PHF14: variants seen among roughly 807,000 people sequenced by gnomAD.
PHF14 encodes PHD finger protein 14.
In PHF14, 55 loss-of-function variants were observed where a neutral mutation model predicts 117.9. The observed-to-expected ratio is 0.47, with a 90% CI of 0.38 to 0.58. PHF14 has a LOEUF of 0.58. PHF14 is among the 20% of genes least tolerant of loss of function. The pLI is 0.00. For missense variants in PHF14, 978 were observed against 1,122.2 expected (o/e 0.87, Z 1.84); for synonymous variants, 409 against 368.6 (o/e 1.11, Z -1.26).
chr7:11,037,780 C>T (rs1055130356), intron 10 of PHF14, among the ~76,000 whole-genome samples: 9 of 152,068 alleles, frequency 5.9e-5, no homozygotes, highest in African/African-American at 1.2e-4. Context: ...GTAGGAAGTA[C>T]GTTTCCAATA....
intron 4 of PHF14, among the ~76,000 whole-genome samples, chr7:10,996,408 T>G (rs1424686133): frequency 6.6e-6 from 1 of 152,110 alleles, no homozygotes; most frequent in Non-Finnish European, 1.5e-5. Context: ...GTCATCCTAG[T>G]ACTTTAGAGG....
intron 3 of PHF14, among the ~76,000 whole-genome samples, 178 bp downstream of exon 3, chr7:10,983,337 C>G (rs1300770093): frequency 2.0e-5 from 3 of 152,138 alleles, no homozygotes; most frequent in Non-Finnish European, 4.4e-5. Context: ...TATTAAATAT[C>G]TACTATTTGT....
intron 5 of PHF14, among the ~76,000 whole-genome samples, chr7:11,017,999 C>T (rs2128317365): frequency 6.6e-6 from 1 of 152,244 alleles, no homozygotes; most frequent in Non-Finnish European, 1.5e-5. Flanking sequence ...GTTTTTCCAG[C>T]ACCATTTGTT....
intron 4 of PHF14, among the ~76,000 whole-genome samples, chr7:11,013,393 C>T (rs1420859667): frequency 6.6e-6 from 1 of 152,112 alleles, no homozygotes; most frequent in Non-Finnish European, 1.5e-5. Flanking sequence ...AACTCCTCAC[C>T]TCAGGTGATC....
Position 11,038,831 on chromosome 7 carries a change from T to C in PHF14, c.2052T>C (p.Ala684=). The C allele has an allele frequency of 6.4e-7, 1 of 1,574,222 alleles. No homozygotes were observed. The change falls in exon 11 of 18, where the codon GCT becomes GCC. Residue 684 remains alanine (A), a synonymous_variant. Coordinates refer to ENST00000634607, the MANE Select transcript of PHF14 (RefSeq NM_001007157.2). Reference sequence around the variant, plus strand: ...GAAGTGAAGGACAAGGAATATGGGCTTTACTAGGCAGAATCACAGGGCAGG... The same window carrying C: ...GAAGTGAAGGACAAGGAATATGGGCCTTACTAGGCAGAATCACAGGGCAGG... ...KLRSEGQGIW[A]LLGRITGQKL...
At chr7:11,063,319 C>T (rs1190131456) in intron 16 of PHF14, 3 of 983,826 alleles carry the variant, frequency 3.0e-6, no homozygotes, top group Non-Finnish European at 3.6e-6. Context: ...TCAGGAGATA[C>T]ACCTGAATAA....
chr7:11,169,432 C>G lies in PHF14; in HGVS notation c.2789C>G (p.Ala930Gly), dbSNP rs770050227. ...SSSSKEDENE[A>G]ERKNISQELN... Reference sequence around the variant, plus strand: ...ATTTCACAGGAAGATGAAAATGAAGCTGAAAGAAAAAATATATCTCAGGAG... The same window carrying G: ...ATTTCACAGGAAGATGAAAATGAAGGTGAAAGAAAAAATATATCTCAGGAG... Residue 930 changes from alanine (A) to glycine (G), a missense_variant, in exon 18 of 18, where the codon GCT becomes GGT. Physicochemically the swap from Ala to Gly is moderately conservative, Grantham distance 60. This residue lies in a region of PHF14 where 180 missense variants were observed against 195.4 expected (regional missense o/e 0.92). Transcript: ENST00000634607. 1.4e-6 allele frequency: 2 copies of G among 1,471,496 alleles called. No individual in the cohort carries two copies. Among genetic ancestry groups the G allele is most frequent in the Non-Finnish European group, 9.3e-7 (1 of 1,079,342 alleles). The allele number at this position is 1,471,496 out of a possible 1,614,324, so 91.2% of individuals were successfully genotyped here. A position where few individuals can be genotyped will look rare whatever the true frequency, so the allele number is the denominator to read the frequency against.
intron 17 of PHF14, among the ~76,000 whole-genome samples, chr7:11,141,140 T>G (rs1583496956): frequency 6.6e-6 from 1 of 152,100 alleles, no homozygotes; most frequent in Non-Finnish European, 1.5e-5. Flanking sequence ...CAAGGTTGTT[T>G]TAGGAAAATA....
intron 16 of PHF14, chr7:11,104,454 A>G: frequency 4.1e-6 from 4 of 971,188 alleles, no homozygotes; most frequent in Non-Finnish European, 4.9e-6. Flanking sequence ...CGGTCCAACT[A>G]CTATAAGGAG....
At chr7:11,158,444 A>T (rs1164576900) in intron 17 of PHF14, among the ~76,000 whole-genome samples, 1 of 152,162 alleles carries the variant, frequency 6.6e-6, no homozygotes, top group African/African-American at 2.4e-5. Flanking sequence ...GTCAGTATAC[A>T]TACTATACAT....
chr7:11,038,838 G>A lies in PHF14; in HGVS notation c.2059G>A (p.Gly687Ser). 1.3e-6 allele frequency: 2 copies of A among 1,557,898 alleles called. No individual in the cohort carries two copies. Among genetic ancestry groups the A allele is most frequent in the Admixed American group, 1.8e-5 (1 of 56,892 alleles). The change falls in exon 11 of 18, where the codon GGC becomes AGC. Residue 687 changes from glycine (G) to serine (S), a missense_variant. Transcript: ENST00000634607. Reference protein sequence around the residue: ...SEGQGIWALLGRITGQKLNIP... With the variant: ...SEGQGIWALLSRITGQKLNIP... Reference sequence around the variant, plus strand: ...AGGACAAGGAATATGGGCTTTACTAGGCAGAATCACAGGGCAGGTTAGTTT... The same window carrying A: ...AGGACAAGGAATATGGGCTTTACTAAGCAGAATCACAGGGCAGGTTAGTTT...
chr7:11,159,439 AT>A (rs1431210475), intron 17 of PHF14, among the ~76,000 whole-genome samples: 1 of 152,122 alleles, frequency 6.6e-6, no homozygotes, highest in Non-Finnish European at 1.5e-5. Context: ...TGTCAATTAA[AT>A]GGCCAAAGAT....
chr7:11,041,852 G>T (rs1162168070), intron 12 of PHF14, among the ~76,000 whole-genome samples: 1 of 149,136 alleles, frequency 6.7e-6, no homozygotes, highest in African/African-American at 2.5e-5. Flanking sequence ...ATTTATTTTG[G>T]CTTTTTAAGT....
intron 3 of PHF14, among the ~76,000 whole-genome samples, chr7:10,989,926 C>T (rs937384406): frequency 9.9e-5 from 15 of 152,150 alleles, no homozygotes; most frequent in Admixed American, 9.2e-4. Flanking sequence ...GCCACTGTGC[C>T]CATCCTCTCT....
At chr7:11,026,195 T>C (rs1449681072) in intron 6 of PHF14, among the ~76,000 whole-genome samples, 1 of 151,566 alleles carries the variant, frequency 6.6e-6, no homozygotes, top group Non-Finnish European at 1.5e-5. Context: ...TCAGTGGCCA[T>C]CCACATCAAA....
intron 17 of PHF14, among the ~76,000 whole-genome samples, chr7:11,117,905 A>G (rs1232015439): frequency 6.6e-6 from 1 of 151,866 alleles, no homozygotes; most frequent in East Asian, 1.9e-4. Flanking sequence ...TTAACTATTC[A>G]TTTGACCTCT....
intron 16 of PHF14, among the ~76,000 whole-genome samples, chr7:11,094,690 T>G (rs1244369279): frequency 6.6e-6 from 1 of 152,214 alleles, no homozygotes; most frequent in Non-Finnish European, 1.5e-5. Flanking sequence ...CCAAGGCTTC[T>G]GTACTCTGAT....
intron 5 of PHF14, among the ~76,000 whole-genome samples, chr7:11,022,230 G>T (rs995074503): frequency 6.6e-6 from 1 of 152,048 alleles, no homozygotes; most frequent in Non-Finnish European, 1.5e-5. Context: ...TATATTTGGG[G>T]CATATAAATT....
rs1004207723 is a variant in PHF14 at position 11,161,702 on chromosome 7, ATAT to A, written c.2773-7710_2773-7708del. On this transcript the variant is annotated intron_variant, in intron 17 of 17. Transcript: ENST00000634607. ...AATATTATATTTTATTTAAATAAAA[ATAT>A]TATATTTTATTTAAATAAAAATATT... Among the ~76,000 whole-genome samples, 64 of 148,030 alleles carry A rather than the reference ATAT, an allele frequency of 4.3e-4. 1 individual carries two copies. The South Asian group carries it at 6.3e-3, about 15-fold the overall frequency.
Sources: allele counts gnomAD v4.1 joint callset (sites outside exome capture counted in the v4.1 genomes callset), GRCh38; gene constraint gnomAD v4.1.1; regional missense constraint gnomAD v4.1.1; transcripts MANE v1.5; gene names NCBI Gene and HGNC (gene_info 2026-07-23, HGNC 2026-07-21).